IFFO1: variants seen among roughly 807,000 people sequenced by gnomAD.
IFFO1 encodes the protein non-homologous end joining factor IFFO1.
Under a neutral mutation model 59.6 loss-of-function variants are expected in IFFO1, and 42 were observed. That is an observed-to-expected ratio of 0.70 (90% CI 0.55 to 0.91). IFFO1 has a LOEUF of 0.91. Ranked by LOEUF, IFFO1 falls within the 40% of genes least tolerant of loss-of-function variation. The probability of loss-of-function intolerance (pLI) is 0.00; values close to 1 mark genes in which losing one functional copy is unlikely to be tolerated. For missense variants in IFFO1, 711 were observed against 793.2 expected, an observed-to-expected ratio of 0.90 and a Z score of 1.24; for synonymous variants, 336 against 342.8, an observed-to-expected ratio of 0.98 and a Z score of 0.22.
At position 6,541,453 on chromosome 12, in the gene IFFO1, C is replaced by T; in HGVS notation, c.1610+59G>A. On this transcript the variant is annotated intron_variant, in intron 9 of 9. Coordinates refer to ENST00000619571, the MANE Select transcript of IFFO1 (RefSeq NM_001193457.2). The surrounding 1 kb of genome is among the most constrained non-coding windows in gnomAD (Gnocchi z 4.8). ...GCCTGAGGGTCTCTGGGGCTGTGTT[C>T]CAACCTTTCTCCCCGCTGTGTCCCC... 6.2e-7 allele frequency: 1 copy of T among 1,600,892 alleles called. No individual in the cohort carries two copies. Among genetic ancestry groups the T allele is most frequent in the East Asian group, 2.2e-5 (1 of 44,838 alleles).
At chr12:6,545,088 G>A (rs1372174738) in intron 8 of IFFO1, among the ~76,000 whole-genome samples, 3 of 151,896 alleles carry the variant, frequency 2.0e-5, no homozygotes, top group Non-Finnish European at 4.4e-5. Flanking sequence ...AGTGGCAGGC[G>A]CCTGTAGTCC....
Position 6,541,735 on chromosome 12 carries a change from T to C in IFFO1, c.1480-93A>G. 6.5e-7 allele frequency: 1 copy of C among 1,535,042 alleles called. No individual in the cohort carries two copies. The highest frequency in any genetic ancestry group is 8.9e-7 in the Non-Finnish European group (1 of 1,125,536). On this transcript the variant is annotated intron_variant, in intron 8 of 9. Transcript: ENST00000619571. This position sits in a 1 kb window ranked among gnomAD's most constrained non-coding sequence, Gnocchi z 4.8. ...CAGGAGGCCAACACGCCAAGAGCAG[T>C]GGCTGGGCCGGGGGCCCAGGCAGCC...
Position 6,550,755 on chromosome 12 carries a change from C to G in IFFO1, c.870G>C (p.Leu290=), listed in dbSNP as rs1327540941. ...AQEADACQEE[L]ALKVEQLKAE... ...CCTTCAACTGTTCCACCTTCAGTGC[C>G]AGCTCCTCCTGGCAGGCATCAGCCT... The change falls in exon 3 of 10, where the codon CTG becomes CTC. Residue 290 remains leucine, a synonymous_variant. Transcript: ENST00000619571. 6.2e-7 allele frequency: 1 copy of G among 1,614,078 alleles called. No individual in the cohort carries two copies. The highest frequency in any genetic ancestry group is 8.5e-7 in the Non-Finnish European group (1 of 1,180,024).
Position 6,541,720 on chromosome 12 carries a change from A to G in IFFO1, c.1480-78T>C, listed in dbSNP as rs1035808446. The G allele has an allele frequency of 2.0e-5, 32 of 1,583,816 alleles. No homozygotes were observed. Among genetic ancestry groups the G allele is most frequent in the Non-Finnish European group, 2.6e-5 (30 of 1,160,942 alleles). On this transcript the variant is annotated intron_variant, in intron 8 of 9. Coordinates refer to ENST00000619571, the MANE Select transcript of IFFO1 (RefSeq NM_001193457.2). The surrounding 1 kb of genome is among the most constrained non-coding windows in gnomAD (Gnocchi z 4.8). ...CTCTGTTGCCCCCGCCAGGAGGCCAACACGCCAAGAGCAGTGGCTGGGCCG... is the reference window on the plus strand; with the variant it reads ...CTCTGTTGCCCCCGCCAGGAGGCCAGCACGCCAAGAGCAGTGGCTGGGCCG...
chr12:6,555,376 G>A lies in IFFO1; in HGVS notation c.654C>T (p.Gly218=), dbSNP rs1354272833. The A allele has an allele frequency of 6.2e-7, 1 of 1,614,102 alleles. No individual in the cohort carries two copies. The highest frequency in any genetic ancestry group is 1.3e-5 in the African/African-American group (1 of 74,948). The change falls in exon 1 of 10, where the codon GGC becomes GGT. Residue 218 remains glycine (G), a synonymous_variant. Transcript: ENST00000619571. The surrounding 1 kb of genome is among the most constrained non-coding windows in gnomAD (Gnocchi z 8.6). ...CCCCATCCGGGTGCACCCACGACAA[G>A]CCAGGCCCTTGCACCAGAGTGGGCT... is the stretch of plus-strand genomic sequence containing the variant. ...GLEPTLVQGP[G]LSWVHPDGVG... is the part of the protein sequence containing the mutation.
Position 6,540,440 on chromosome 12 carries a change from C to T in IFFO1, c.*43G>A. ...CAGCCCCACCCTCTGCCTCGCTGAG[C>T]TCCCTGCTGCGAGGGCCTCGGGTGC... On this transcript the variant is annotated 3_prime_UTR_variant, in exon 10 of 10. Coordinates refer to ENST00000619571, the MANE Select transcript of IFFO1 (RefSeq NM_001193457.2). 1.3e-6 allele frequency: 2 copies of T among 1,493,922 alleles called. No homozygotes were observed. Among genetic ancestry groups the T allele is most frequent in the South Asian group, 1.1e-5 (1 of 88,764 alleles). 92.5% of individuals were successfully genotyped at this position (1,493,922 alleles called of 1,614,324 possible). A position where few individuals can be genotyped will look rare whatever the true frequency, so the allele number is the denominator to read the frequency against.
chr12:6,541,549 C>A lies in IFFO1; in HGVS notation c.1573G>T (p.Glu525Ter). 1 of 1,614,166 alleles carries A rather than the reference C, an allele frequency of 6.2e-7. No individual in the cohort carries two copies. The highest frequency in any genetic ancestry group is 8.5e-7 in the Non-Finnish European group (1 of 1,180,040). Residue 525 changes from glutamate (E) to a stop codon, truncating the protein, a stop_gained, in exon 9 of 10, where the codon GAG (glutamate) becomes TAG (stop). Coordinates refer to ENST00000619571, the MANE Select transcript of IFFO1 (RefSeq NM_001193457.2). LOFTEE classifies it high-confidence loss of function. The surrounding 1 kb of genome is among the most constrained non-coding windows in gnomAD (Gnocchi z 4.8). ...TGGGTGATGAGCCGGCGGCAGGTCT[C>A]CATCTGCACGTCCAGGCCGCGCTTC... The part of the protein sequence containing the change: ...SMKRGLDVQM[E>*]TCRRLITQSG...
rs1407958841 is a variant in IFFO1 at position 6,540,496 on chromosome 12, C to T, written c.1703G>A (p.Ser568Asn). The T allele has an allele frequency of 6.2e-7, 1 of 1,613,884 alleles. No individual in the cohort carries two copies. The highest frequency in any genetic ancestry group is 1.3e-5 in the African/African-American group (1 of 74,942). Residue 568 changes from serine to asparagine, a missense_variant, in exon 10 of 10, where the codon AGC becomes AAC. Coordinates refer to ENST00000619571, the MANE Select transcript of IFFO1 (RefSeq NM_001193457.2). ...GGAGGCAGGTCTCTATCTCATGGAG[C>T]TGTCAGATGAGACATCGCGATCGGA... ...EDSDRDVSSDSSMR is the reference protein window; with the variant it reads ...EDSDRDVSSDNSMR
rs780083116 is a variant in IFFO1, at chr12:6,555,827, T to G, written c.203A>C (p.Asn68Thr). 1 of 1,611,152 alleles carries G rather than the reference T, an allele frequency of 6.2e-7. No homozygotes were observed. Among genetic ancestry groups the G allele is most frequent in the Non-Finnish European group, 8.5e-7 (1 of 1,178,836 alleles). The change falls in exon 1 of 10, where the codon AAT becomes ACT. Residue 68 changes from asparagine to threonine, a missense_variant. Asn to Thr is a moderately conservative substitution (Grantham distance 65). Transcript: ENST00000619571. This position sits in a 1 kb window ranked among gnomAD's most constrained non-coding sequence, Gnocchi z 8.6. ...PAPPAAMALR[N>T]DLGSNINVLK... is the part of the protein sequence containing the mutation. ...CACGTTGATGTTGGAGCCCAGGTCA[T>G]TGCGGAGGGCCATGGCGGCAGGCGG...
intron 2 of IFFO1, 54 bp downstream of exon 2, chr12:6,550,887 G>A: frequency 1.2e-6 from 2 of 1,606,432 alleles, no homozygotes; most frequent in Non-Finnish European, 1.7e-6. Flanking sequence ...CAGGGTCATG[G>A]GCAGACAGGG....
In IFFO1 at chr12:6,549,938, C is replaced by G. The variant is rs765742921; in HGVS notation, c.931-42G>C. 4 of 1,593,148 alleles carry G rather than the reference C, an allele frequency of 2.5e-6. No individual in the cohort carries two copies. Among genetic ancestry groups the G allele is most frequent in the Non-Finnish European group, 2.6e-6 (3 of 1,167,314 alleles). ...GGGAACAGTGAGGAGGCGCCCAGTT[C>G]TCCAGACAAGGACGAATTAGGCCTG... On this transcript the variant is annotated intron_variant, in intron 3 of 9. Coordinates refer to ENST00000619571, the MANE Select transcript of IFFO1 (RefSeq NM_001193457.2). This position sits in a 1 kb window ranked among gnomAD's most constrained non-coding sequence, Gnocchi z 5.0.
At chr12:6,540,873 G>A (rs889506906) in intron 9 of IFFO1, among the ~76,000 whole-genome samples, 11 of 152,148 alleles carry the variant, frequency 7.2e-5, no homozygotes, top group Non-Finnish European at 1.2e-4. Flanking sequence ...GGTGGATCAC[G>A]ACGTCAGGAG....
Position 6,549,308 on chromosome 12 carries a change from A to G in IFFO1, c.1080+168T>C. ...AGAAGGGAGAGAAAGAAATGCAGTC[A>G]AGAGAACAAGAGATAGAGAGAAAAA... On this transcript the variant is annotated intron_variant, in intron 5 of 9. Coordinates refer to ENST00000619571, the MANE Select transcript of IFFO1 (RefSeq NM_001193457.2). This position sits in a 1 kb window ranked among gnomAD's most constrained non-coding sequence, Gnocchi z 5.0. 1.5e-6 allele frequency: 1 copy of G among 685,384 alleles called. No individual in the cohort carries two copies. The highest frequency in any genetic ancestry group is 1.8e-5 in the South Asian group (1 of 55,510). The allele number at this position is 685,384 out of a possible 1,614,324, so 42.5% of individuals were successfully genotyped here.
In IFFO1 at chr12:6,549,251, C is replaced by G; in HGVS notation, c.1080+225G>C. 1.6e-6 allele frequency: 1 copy of G among 630,118 alleles called. No individual in the cohort carries two copies. Among genetic ancestry groups the G allele is most frequent in the Non-Finnish European group, 2.8e-6 (1 of 355,314 alleles). The allele number at this position is 630,118 out of a possible 1,614,324, so 39.0% of individuals were successfully genotyped here. On this transcript the variant is annotated intron_variant, in intron 5 of 9. Coordinates refer to ENST00000619571, the MANE Select transcript of IFFO1 (RefSeq NM_001193457.2). This position sits in a 1 kb window ranked among gnomAD's most constrained non-coding sequence, Gnocchi z 5.0. ...GTGTGCAATGTGTACAAAAGAGAAC[C>G]TGAATCACATCCAGATCTGGAAAGC... is the stretch of plus-strand genomic sequence containing the variant.
rs1488423187 is a variant in IFFO1, at chr12:6,548,440, T to C, written c.1368A>G (p.Ala456=). 1.2e-6 allele frequency: 2 copies of C among 1,612,894 alleles called. No homozygotes were observed. Among genetic ancestry groups the C allele is most frequent in the South Asian group, 1.1e-5 (1 of 90,964 alleles). The part of the protein sequence containing the change: ...EDFSGYAMAA[A]EAQGEQQEDS... ...CAGAGGTTACCTCTCCCTGGGCCTC[T>C]GCAGCTGCCATGGCATAGCCTGAGA... is the stretch of plus-strand genomic sequence containing the variant. The change falls in exon 7 of 10, where the codon GCA becomes GCG. Residue 456 remains alanine, a synonymous_variant. Transcript: ENST00000619571. The surrounding 1 kb of genome is among the most constrained non-coding windows in gnomAD (Gnocchi z 6.1).
chr12:6,550,001 C>T (rs976972684), intron 3 of IFFO1, 105 bp from the exon 4 acceptor site: 15 of 1,278,928 alleles, frequency 1.2e-5, no homozygotes, highest in Middle Eastern at 2.1e-4. Flanking sequence ...TGCACCGGTG[C>T]CTCTTCTGTG....
Position 6,540,512 on chromosome 12 carries a change from C to T in IFFO1, c.1687G>A (p.Asp563Asn). The T allele has an allele frequency of 4.3e-6, 7 of 1,614,096 alleles. No individual in the cohort carries two copies. The highest frequency in any genetic ancestry group is 4.5e-5 in the East Asian group (2 of 44,880). The change falls in exon 10 of 10, where the codon GAT becomes AAT. Residue 563 changes from aspartate (D) to asparagine (N), a missense_variant. Asp to Asn is a conservative substitution (Grantham distance 23). Around this residue, in one of 3 missense-constraint regions of IFFO1, gnomAD observed 579 missense variants for 650.3 expected, o/e 0.89. Coordinates refer to ENST00000619571, the MANE Select transcript of IFFO1 (RefSeq NM_001193457.2). ...CTCATGGAGCTGTCAGATGAGACAT[C>T]GCGATCGGAGTCCTCAGCCTCGCTT... ...PPSEAEDSDR[D>N]VSSDSSMR
intron 8 of IFFO1, among the ~76,000 whole-genome samples, chr12:6,546,553 G>A (rs948006682): frequency 6.6e-6 from 1 of 152,164 alleles, no homozygotes. Flanking sequence ...GTGCGATCTC[G>A]GCTCACTGCA....
rs552833238 is a variant in IFFO1, at chr12:6,551,434, C to T, written c.774-433G>A. On this transcript the variant is annotated intron_variant, in intron 1 of 9. Coordinates refer to ENST00000619571, the MANE Select transcript of IFFO1 (RefSeq NM_001193457.2). ...CAGATCCGGGCTCCCGCCTCCTGCCCGCACCAGAACAGAGCTCGTCGAGCC... is the reference window on the plus strand; with the variant it reads ...CAGATCCGGGCTCCCGCCTCCTGCCTGCACCAGAACAGAGCTCGTCGAGCC... 1,252 of 1,297,532 alleles carry T rather than the reference C, an allele frequency of 9.6e-4. 1 individual carries two copies. Among genetic ancestry groups the T allele is most frequent in the Non-Finnish European group, 1.2e-3 (1,148 of 994,268 alleles). 80.4% of individuals were successfully genotyped at this position (1,297,532 alleles called of 1,614,324 possible).
Sources: allele counts gnomAD v4.1 joint callset (sites outside exome capture counted in the v4.1 genomes callset), GRCh38; gene constraint gnomAD v4.1.1; regional missense constraint gnomAD v4.1.1; non-coding constraint Gnocchi (gnomAD v3.1); transcripts MANE v1.5; gene names NCBI Gene and HGNC (gene_info 2026-07-23, HGNC 2026-07-21).